The following GRID2 variants were observed in gnomAD, a reference collection of about 807,000 sequenced individuals.
GRID2 encodes the protein glutamate ionotropic receptor delta type subunit 2.
In GRID2, 33 loss-of-function variants were observed where a neutral mutation model predicts 114.8. The ratio of observed to expected loss-of-function variants is 0.29; its 90% confidence interval spans 0.22 to 0.38. GRID2 has a LOEUF of 0.38. Among genes scored for constraint, GRID2 ranks in the 10% least tolerant of loss-of-function variants. The pLI is 1.00. For missense variants in GRID2, 1,184 were observed against 1,257.7 expected (o/e 0.94, Z 0.89); for synonymous variants, 505 against 449.9 (o/e 1.12, Z -1.55).
At chr4:92,512,604 G>T (rs1724309460) in intron 1 of GRID2, among the ~76,000 whole-genome samples, 1 of 151,882 alleles carries the variant, frequency 6.6e-6, no homozygotes, top group African/African-American at 2.4e-5. Flanking sequence ...TGGGGTCCTA[G>T]GTAGGTAGAG....
chr4:93,189,643 C>T (rs1740777223), intron 4 of GRID2, among the ~76,000 whole-genome samples: 1 of 151,808 alleles, frequency 6.6e-6, no homozygotes, highest in Non-Finnish European at 1.5e-5. Context: ...TGTTCAGCAC[C>T]ATACCGAAGT....
chr4:93,803,305 A>C lies in GRID2; in HGVS notation c.222-3410A>C, dbSNP rs549139330. 1.1e-3 allele frequency among the ~76,000 whole-genome samples: 168 copies of C among 152,374 alleles called. 1 individual carries two copies. Among genetic ancestry groups the C allele is most frequent in the African/African-American group, 3.9e-3 (162 of 41,590 alleles). On this transcript the variant is annotated intron_variant, in intron 1 of 1. Transcript: ENST00000637838. ...TCATTTCAATATCATTTATATAAGC[A>C]ACTATCCCAAAAACCTGTCTTGAGA...
intron 5 of GRID2, among the ~76,000 whole-genome samples, chr4:93,211,285 T>C (rs1287209703): frequency 2.0e-5 from 3 of 152,124 alleles, no homozygotes; most frequent in East Asian, 1.9e-4. Flanking sequence ...GTAGCCTGAA[T>C]AGACTAGCAT....
At chr4:92,980,177 C>T (rs729545) in intron 2 of GRID2, among the ~76,000 whole-genome samples, 3,010 of 152,060 alleles carry the variant, frequency 0.02, 44 homozygotes, top group East Asian at 0.052. Context: ...TTTATCTTTA[C>T]ATTTGATTTA....
intron 8 of GRID2, among the ~76,000 whole-genome samples, chr4:93,384,603 C>A (rs966554343): frequency 6.6e-6 from 1 of 152,024 alleles, no homozygotes. Context: ...TTCCTTGTAC[C>A]CCGTAAAACC....
intron 1 of GRID2, among the ~76,000 whole-genome samples, chr4:92,544,547 T>G (rs954192881): frequency 6.6e-6 from 1 of 152,116 alleles, no homozygotes; most frequent in African/African-American, 2.4e-5. Flanking sequence ...TTTAATTGAT[T>G]TTTTGAAGCC....
At chr4:93,807,454 A>C (rs1735054702) in exon 2 of GRID2, 1 of 152,138 alleles carries the variant, frequency 6.6e-6, no homozygotes, top group Non-Finnish European at 1.5e-5. Context: ...ACTTACCAAA[A>C]TTGGCTACTT....
chr4:93,009,590 C>T (rs556202248), intron 2 of GRID2, among the ~76,000 whole-genome samples: 1 of 152,140 alleles, frequency 6.6e-6, no homozygotes, highest in African/African-American at 2.4e-5. Flanking sequence ...AATTAAATCT[C>T]CTATTTATTC....
At chr4:92,961,698 T>G (rs1752826674) in intron 2 of GRID2, among the ~76,000 whole-genome samples, 1 of 151,798 alleles carries the variant, frequency 6.6e-6, no homozygotes, top group African/African-American at 2.4e-5. Flanking sequence ...CCTGAATCTT[T>G]GGTTTGGTGT....
intron 1 of GRID2, among the ~76,000 whole-genome samples, chr4:92,444,757 A>G (rs1733358503): frequency 6.6e-6 from 1 of 152,246 alleles, no homozygotes; most frequent in South Asian, 2.1e-4. Flanking sequence ...AAATGCCAGA[A>G]TATATCCTAA....
intron 2 of GRID2, among the ~76,000 whole-genome samples, chr4:93,049,520 A>C (rs569151012): frequency 2.7e-3 from 416 of 151,390 alleles, no homozygotes; most frequent in South Asian, 5.6e-3. Context: ...TCCCCCCCCC[A>C]AAAAAATTAA....
In GRID2 at chr4:92,688,037, CTTT is replaced by C. The variant is rs760605020; in HGVS notation, c.244+97778_244+97780del. 1.5e-3 allele frequency among the ~76,000 whole-genome samples: 66 copies of C among 44,670 alleles called. 4 individuals carry two copies. Among genetic ancestry groups the C allele is most frequent in the South Asian group, 0.012 (15 of 1,268 alleles). The allele number at this position is 44,670 out of a possible 152,430, so 29.3% of individuals were successfully genotyped here. Reference sequence around the variant, plus strand: ...GCCACATTGGTTGACCCTTCTTCTTCTTTTTTTTTTTTTTTTTTTTTTTTTTTT... The same window carrying C: ...GCCACATTGGTTGACCCTTCTTCTTCTTTTTTTTTTTTTTTTTTTTTTTTT... On this transcript the variant is annotated intron_variant, in intron 2 of 15. Transcript: ENST00000282020.
chr4:92,936,410 T>C (rs1750674285), intron 2 of GRID2, among the ~76,000 whole-genome samples: 1 of 146,732 alleles, frequency 6.8e-6, no homozygotes, highest in African/African-American at 2.4e-5. Context: ...ATAATAGAGT[T>C]AAGGGGTCTG....
intron 2 of GRID2, among the ~76,000 whole-genome samples, chr4:92,856,308 C>T (rs1284478522): frequency 6.6e-6 from 1 of 151,972 alleles, no homozygotes; most frequent in Non-Finnish European, 1.5e-5. Context: ...AATATCAGGC[C>T]ATTATTTACC....
intron 1 of GRID2, among the ~76,000 whole-genome samples, chr4:92,505,350 G>A (rs1723906730): frequency 6.6e-6 from 1 of 152,004 alleles, no homozygotes; most frequent in Non-Finnish European, 1.5e-5. Context: ...AAAATCCTAT[G>A]AAGAAGTCAG....
intron 2 of GRID2, among the ~76,000 whole-genome samples, chr4:92,667,935 C>T (rs1732870610): frequency 6.6e-6 from 1 of 151,810 alleles, no homozygotes; most frequent in South Asian, 2.1e-4. Context: ...AAGATTATGA[C>T]CTTTTCTAAA....
At chr4:93,480,638 C>G (rs1354153414) in intron 11 of GRID2, among the ~76,000 whole-genome samples, 1 of 151,944 alleles carries the variant, frequency 6.6e-6, no homozygotes, top group Admixed American at 6.6e-5. Flanking sequence ...GTAATTTTAC[C>G]TCATCTCTTA....
intron 1 of GRID2, among the ~76,000 whole-genome samples, chr4:93,783,086 TA>T (rs1170337115): frequency 6.6e-6 from 1 of 152,248 alleles, no homozygotes; most frequent in Non-Finnish European, 1.5e-5. Context: ...AATTATTTCA[TA>T]TGCAGGGAAG....
At chr4:93,015,402 T>A (rs1455573055) in intron 2 of GRID2, among the ~76,000 whole-genome samples, 1 of 152,180 alleles carries the variant, frequency 6.6e-6, no homozygotes, top group Non-Finnish European at 1.5e-5. Context: ...CAAGTCTTGG[T>A]CCTACCCATA....
Sources: gnomAD v4.1 joint callset for allele counts (sites outside exome capture counted in the v4.1 genomes callset) on GRCh38, gnomAD v4.1.1 for gene constraint, MANE v1.5 for transcripts, NCBI Gene and HGNC (gene_info 2026-07-23, HGNC 2026-07-21) for gene names.